Variants in GNB2 observed in about 807,000 individuals in gnomAD.
The protein encoded by GNB2 is guanine nucleotide-binding protein G(I)/G(S)/G(T) subunit beta-2.
A neutral mutation model predicts 40.7 loss-of-function variants in GNB2; 7 were observed. The ratio of observed to expected loss-of-function variants is 0.17; its 90% confidence interval spans 0.10 to 0.32. GNB2 has a LOEUF of 0.32. GNB2 is among the 10% of genes least tolerant of loss of function. The pLI, the probability that GNB2 is intolerant of heterozygous loss-of-function variation, is 1.00. For missense variants in GNB2, 286 were observed against 473.0 expected (o/e 0.60, Z 3.67); for synonymous variants, 254 against 191.2 (o/e 1.33, Z -2.71).
In GNB2 at chr7:100,676,172, C is replaced by A; in HGVS notation, c.-89-5C>A. 1.4e-6 allele frequency: 1 copy of A among 721,030 alleles called. No individual in the cohort carries two copies. The highest frequency in any genetic ancestry group is 1.8e-5 in the South Asian group (1 of 56,374). 44.7% of individuals were successfully genotyped at this position (721,030 alleles called of 1,614,324 possible). A position where few individuals can be genotyped will look rare whatever the true frequency, so the allele number is the denominator to read the frequency against. On this transcript the variant is annotated splice_region_variant and splice_polypyrimidine_tract_variant and intron_variant, in intron 1 of 9. Transcript: ENST00000303210. ...CGGGCCTGACGTCAGCCCTGCATCC[C>A]CCAGGCCTCGGGCCAGCGGCCAGGA...
At chr7:100,678,056 G>C (rs769033152) in intron 7 of GNB2, 42 bp from the exon 8 acceptor site, 15 of 1,493,318 alleles carry the variant, frequency 1.0e-5, no homozygotes, top group Non-Finnish European at 1.0e-5. Context: ...TCTGTTCTTC[G>C]CCCTGTCTCT....
In GNB2 at chr7:100,673,896, C is replaced by T. The variant is rs1011348022; in HGVS notation, c.-117C>T. ...AGCGCCGCCCGCGCACCGCCAGCGA[C>T]CTCCGCCGCAGAGTCCCACCGCCAC... On this transcript the variant is annotated 5_prime_UTR_variant, in exon 1 of 10. Coordinates refer to ENST00000303210, the MANE Select transcript of GNB2 (RefSeq NM_005273.4). The T allele has an allele frequency of 2.8e-5, 5 of 179,886 alleles. No individual in the cohort carries two copies. The highest frequency in any genetic ancestry group is 9.6e-5 in the African/African-American group (4 of 41,656). The allele number at this position is 179,886 out of a possible 1,614,324, so 11.1% of individuals were successfully genotyped here.
chr7:100,678,967 G>A lies in GNB2; in HGVS notation c.*166G>A. ...GGTTCCTCCCGGGGCCCCCACTGTGGAGATAAGAAGGGGATGGAATGGGGG... is the reference window on the plus strand; with the variant it reads ...GGTTCCTCCCGGGGCCCCCACTGTGAAGATAAGAAGGGGATGGAATGGGGG... On this transcript the variant is annotated 3_prime_UTR_variant, in exon 10 of 10. Transcript: ENST00000303210. The A allele has an allele frequency of 1.7e-6, 1 of 604,128 alleles. No homozygotes were observed. Among genetic ancestry groups the A allele is most frequent in the Non-Finnish European group, 3.0e-6 (1 of 335,818 alleles). The allele number at this position is 604,128 out of a possible 1,614,324, so 37.4% of individuals were successfully genotyped here.
Position 100,676,763 on chromosome 7 carries a change from C to G in GNB2, c.167C>G (p.Ala56Gly). The change falls in exon 4 of 10, where the codon GCA becomes GGA. Residue 56 changes from alanine to glycine, a missense_variant. Ala to Gly is a moderately conservative substitution (Grantham distance 60, BLOSUM62 0). Coordinates refer to ENST00000303210, the MANE Select transcript of GNB2 (RefSeq NM_005273.4). ...RTRRTLRGHL[A>G]KIYAMHWGTD... ...CGGAGGACCCTCCGTGGGCACCTGG[C>G]AAAGATCTATGCCATGCACTGGGGG... The G allele has an allele frequency of 6.2e-7, 1 of 1,600,280 alleles. No homozygotes were observed. The highest frequency in any genetic ancestry group is 8.5e-7 in the Non-Finnish European group (1 of 1,173,550).
chr7:100,678,166 C>A lies in GNB2; in HGVS notation c.566C>A (p.Ser189Tyr), dbSNP rs1374706102. Residue 189 changes from serine (S) to tyrosine (Y), a missense_variant, in exon 8 of 10, where the codon TCC (serine) becomes TAC (tyrosine). Coordinates refer to ENST00000303210, the MANE Select transcript of GNB2 (RefSeq NM_005273.4). Reference sequence around the variant, plus strand: ...GCTGGACACAGTGGGGATGTGATGTCCCTGTCCCTGGCCCCCGATGGCCGC... The same window carrying A: ...GCTGGACACAGTGGGGATGTGATGTACCTGTCCCTGGCCCCCGATGGCCGC... The part of the protein sequence containing the change: ...GFAGHSGDVM[S>Y]LSLAPDGRTF... 2 of 1,613,898 alleles carry A rather than the reference C, an allele frequency of 1.2e-6. No homozygotes were observed.
Position 100,679,106 on chromosome 7 carries a change from GGTTTT to G in GNB2, c.*306_*310del, listed in dbSNP as rs1435428510. The G allele has an allele frequency of 5.7e-6, 2 of 352,764 alleles. No individual in the cohort carries two copies. Among genetic ancestry groups the G allele is most frequent in the Non-Finnish European group, 1.0e-5 (2 of 194,878 alleles). 21.9% of individuals were successfully genotyped at this position (352,764 alleles called of 1,614,324 possible). ...CCCAGGGGCTGGCTTTTTTAAAACT[GGTTTT>G]ATTTTAATTTTTATTATATTTTCAG... On this transcript the variant is annotated 3_prime_UTR_variant, in exon 10 of 10. Coordinates refer to ENST00000303210, the MANE Select transcript of GNB2 (RefSeq NM_005273.4).
At position 100,679,047 on chromosome 7, in the gene GNB2, C is replaced by T. The variant is rs995270428; in HGVS notation, c.*246C>T. The T allele has an allele frequency of 2.0e-6, 1 of 507,288 alleles. No individual in the cohort carries two copies. The highest frequency in any genetic ancestry group is 3.5e-6 in the Non-Finnish European group (1 of 285,862). The allele number at this position is 507,288 out of a possible 1,614,324, so 31.4% of individuals were successfully genotyped here. ...CTGCTGCCCTGGGGTTGGGGCCTCA[C>T]CCCTCTGGAGGGCCGGAGGCAGGAG... is the stretch of plus-strand genomic sequence containing the variant. On this transcript the variant is annotated 3_prime_UTR_variant, in exon 10 of 10. Transcript: ENST00000303210.
chr7:100,674,856 G>A (rs1804315840), intron 1 of GNB2, among the ~76,000 whole-genome samples: 1 of 152,210 alleles, frequency 6.6e-6, no homozygotes, highest in African/African-American at 2.4e-5. Flanking sequence ...GCTGCTAGTA[G>A]GTGGAAGAGG....
chr7:100,677,813 C>A lies in GNB2; in HGVS notation c.492C>A (p.Thr164=). The part of the protein sequence containing the change: ...DNQIITSSGD[T]TCALWDIETG... ...AAATCATCACCAGCTCTGGGGATAC[C>A]ACCTGGTGAGGCTCTGCCAGGGCTG... Residue 164 remains threonine (T), a synonymous_variant, in exon 7 of 10, where the codon ACC becomes ACA. Coordinates refer to ENST00000303210, the MANE Select transcript of GNB2 (RefSeq NM_005273.4). The A allele has an allele frequency of 2.5e-6, 4 of 1,612,940 alleles. No individual in the cohort carries two copies. The highest frequency in any genetic ancestry group is 3.4e-6 in the Non-Finnish European group (4 of 1,179,398).
At chr7:100,676,130 C>G in intron 1 of GNB2, 47 bp from the exon 2 acceptor site, 1 of 569,178 alleles carries the variant, frequency 1.8e-6, no homozygotes. Context: ...CCTTTCTCCC[C>G]ACTTCCCCGG....
intron 1 of GNB2, 183 bp from the exon 2 acceptor site, chr7:100,675,994 G>C (rs1395323942): frequency 8.8e-6 from 4 of 452,926 alleles, no homozygotes; most frequent in Non-Finnish European, 1.6e-5. Context: ...GAGGAAGATT[G>C]GGGAAGTCGG....
intron 1 of GNB2, 175 bp from the exon 2 acceptor site, chr7:100,675,994 GGGGAAGTC>G (rs1157998241): frequency 4.4e-6 from 2 of 453,044 alleles, no homozygotes; most frequent in Non-Finnish European, 7.8e-6. Context: ...GAGGAAGATT[GGGGAAGTC>G]GGCTCTTACT....
chr7:100,676,683 C>G lies in GNB2; in HGVS notation c.97-10C>G, dbSNP rs1364899572. 3 of 1,601,422 alleles carry G rather than the reference C, an allele frequency of 1.9e-6. No homozygotes were observed. The African/African-American group carries it at 4.0e-5, about 21-fold the overall frequency. Reference sequence around the variant, plus strand: ...GGGCCTCCCCGAGCGCATTCTGTCTCTACCTCCAGATCACAGCTGGGCTGG... The same window carrying G: ...GGGCCTCCCCGAGCGCATTCTGTCTGTACCTCCAGATCACAGCTGGGCTGG... On this transcript the variant is annotated splice_polypyrimidine_tract_variant and intron_variant, in intron 3 of 9. Transcript: ENST00000303210.
rs1200061100 is a variant in GNB2, at chr7:100,678,941, T to G, written c.*140T>G. Reference sequence around the variant, plus strand: ...GGGTCCCTGCCCTCCCACCCAGGTTTGGTTCCTCCCGGGGCCCCCACTGTG... The same window carrying G: ...GGGTCCCTGCCCTCCCACCCAGGTTGGGTTCCTCCCGGGGCCCCCACTGTG... On this transcript the variant is annotated 3_prime_UTR_variant, in exon 10 of 10. Coordinates refer to ENST00000303210, the MANE Select transcript of GNB2 (RefSeq NM_005273.4). 3 of 663,982 alleles carry G rather than the reference T, an allele frequency of 4.5e-6. No individual in the cohort carries two copies. Among genetic ancestry groups the G allele is most frequent in the Non-Finnish European group, 7.8e-6 (3 of 382,770 alleles). The allele number at this position is 663,982 out of a possible 1,614,324, so 41.1% of individuals were successfully genotyped here.
chr7:100,678,834 G>A lies in GNB2; in HGVS notation c.*33G>A, dbSNP rs772094305. Reference sequence around the variant, plus strand: ...ACCCCCACTGGGCCCAGGCCAGGAGGGGCCCTGCCCATGCCCACACTACAG... The same window carrying A: ...ACCCCCACTGGGCCCAGGCCAGGAGAGGCCCTGCCCATGCCCACACTACAG... On this transcript the variant is annotated 3_prime_UTR_variant, in exon 10 of 10. Coordinates refer to ENST00000303210, the MANE Select transcript of GNB2 (RefSeq NM_005273.4). The A allele has an allele frequency of 2.6e-4, 401 of 1,520,534 alleles. No homozygotes were observed. The highest frequency in any genetic ancestry group is 3.5e-4 in the Non-Finnish European group (388 of 1,096,348). 94.2% of individuals were successfully genotyped at this position (1,520,534 alleles called of 1,614,324 possible). A position where few individuals can be genotyped will look rare whatever the true frequency, so the allele number is the denominator to read the frequency against.
At chr7:100,676,420 G>GC in intron 2 of GNB2, 98 bp downstream of exon 2, 1 of 1,262,122 alleles carries the variant, frequency 7.9e-7, no homozygotes, top group South Asian at 1.2e-5. Context: ...GGGAGGGAGG[G>GC]CCCCTTAATG....
In GNB2 at chr7:100,678,827, C is replaced by G. The variant is rs1804427189; in HGVS notation, c.*26C>G. ...TGGCCCCACCCCCACTGGGCCCAGG[C>G]CAGGAGGGGCCCTGCCCATGCCCAC... On this transcript the variant is annotated 3_prime_UTR_variant, in exon 10 of 10. Transcript: ENST00000303210. 2 of 1,526,090 alleles carry G rather than the reference C, an allele frequency of 1.3e-6. No homozygotes were observed. The highest frequency in any genetic ancestry group is 1.8e-6 in the Non-Finnish European group (2 of 1,101,004). The allele number at this position is 1,526,090 out of a possible 1,614,324, so 94.5% of individuals were successfully genotyped here.
At position 100,678,247 on chromosome 7, in the gene GNB2, C is replaced by T; in HGVS notation, c.647C>T (p.Ser216Phe). 1 of 1,613,994 alleles carries T rather than the reference C, an allele frequency of 6.2e-7. No homozygotes were observed. The highest frequency in any genetic ancestry group is 8.5e-7 in the Non-Finnish European group (1 of 1,179,940). ...ASIKLWDVRD[S>F]MCRQTFIGHE... ...ATCAAGCTGTGGGACGTGCGGGATT[C>T]CATGTGCCGACAGACCTTCATCGGC... Residue 216 changes from serine (S) to phenylalanine (F), a missense_variant, in exon 8 of 10, where the codon TCC becomes TTC. By Grantham distance (155) the Ser-to-Phe change is radical. Coordinates refer to ENST00000303210, the MANE Select transcript of GNB2 (RefSeq NM_005273.4).
In GNB2 at chr7:100,678,128, G is replaced by A. The variant is rs1804398809; in HGVS notation, c.528G>A (p.Gln176=). The A allele has an allele frequency of 5.0e-6, 8 of 1,613,828 alleles. No individual in the cohort carries two copies. The East Asian group carries it at 1.8e-4, about 36-fold the overall frequency. The part of the protein sequence containing the change: ...CALWDIETGQ[Q]TVGFAGHSGD... ...TGTGGGACATTGAGACAGGCCAGCAGACAGTGGGTTTTGCTGGACACAGTG... is the reference window on the plus strand; with the variant it reads ...TGTGGGACATTGAGACAGGCCAGCAAACAGTGGGTTTTGCTGGACACAGTG... Residue 176 remains glutamine (Q), a synonymous_variant, in exon 8 of 10, where the codon CAG becomes CAA. Coordinates refer to ENST00000303210, the MANE Select transcript of GNB2 (RefSeq NM_005273.4).
Sources: gnomAD v4.1 joint callset for allele counts (sites outside exome capture counted in the v4.1 genomes callset) on GRCh38, gnomAD v4.1.1 for gene constraint, MANE v1.5 for transcripts, NCBI Gene and HGNC (gene_info 2026-07-23, HGNC 2026-07-21) for gene names.